Variants in ZNF592 observed in about 807,000 individuals in gnomAD.
ZNF592 encodes the protein zinc finger protein 592.
In ZNF592, 11 loss-of-function variants were observed where a neutral mutation model predicts 80.3. The observed-to-expected ratio is 0.14, with a 90% confidence interval of 0.09 to 0.23. ZNF592 has a LOEUF of 0.23. Among genes scored for constraint, ZNF592 ranks in the 10% least tolerant of loss-of-function variants. The pLI is 1.00. For missense variants in ZNF592, 1,420 were observed against 1,633.9 expected (o/e 0.87, Z 2.26); for synonymous variants, 646 against 640.3 (o/e 1.01, Z -0.13).
chr15:84,752,013 C>G (rs1023367889), intron 1 of ZNF592, among the ~76,000 whole-genome samples: 1 of 152,154 alleles, frequency 6.6e-6, no homozygotes, highest in African/African-American at 2.4e-5. Context: ...CCTCCCACCT[C>G]CACCTCCCAA....
intron 1 of ZNF592, among the ~76,000 whole-genome samples, chr15:84,755,498 C>T (rs1043230816): frequency 6.6e-6 from 1 of 151,762 alleles, no homozygotes; most frequent in African/African-American, 2.4e-5. Flanking sequence ...AATCCACAGG[C>T]TCATCCAGAG....
chr15:84,792,962 A>G (rs1046294908), intron 5 of ZNF592, among the ~76,000 whole-genome samples: 2 of 152,210 alleles, frequency 1.3e-5, no homozygotes, highest in African/African-American at 4.8e-5. Flanking sequence ...AACACTTAAA[A>G]ATACCTTTCT....
intron 1 of ZNF592, among the ~76,000 whole-genome samples, chr15:84,760,745 C>G (rs1045229376): frequency 3.3e-5 from 5 of 152,140 alleles, no homozygotes; most frequent in Admixed American, 3.3e-4. Context: ...AGAGGATGCT[C>G]TCAGTAGGAA....
In ZNF592 at chr15:84,784,544, G is replaced by T. The variant is rs767132665; in HGVS notation, c.1869G>T (p.Thr623=). ...TACTGTGCACACTGTGCTCCAAGAC[G>T]CTGCTCTTCTTCAACAAGTGCAGCC... ...IEVLCTLCSK[T]LLFFNKCSLL... Residue 623 remains threonine (T), a synonymous_variant, in exon 4 of 11, where the codon ACG becomes ACT. Transcript: ENST00000560079. This position sits in a 1 kb window ranked among gnomAD's most constrained non-coding sequence, Gnocchi z 5.8. 3 of 1,614,052 alleles carry T rather than the reference G, an allele frequency of 1.9e-6. No individual in the cohort carries two copies. Among genetic ancestry groups the T allele is most frequent in the Non-Finnish European group, 2.5e-6 (3 of 1,180,028 alleles).
chr15:84,773,265 G>C (rs1297812563), intron 2 of ZNF592, among the ~76,000 whole-genome samples: 1 of 147,842 alleles, frequency 6.8e-6, no homozygotes, highest in Non-Finnish European at 1.5e-5. Flanking sequence ...AGGCTGGAGT[G>C]CAGTGATGCG....
At chr15:84,772,864 A>G (rs1434846660) in intron 2 of ZNF592, among the ~76,000 whole-genome samples, 1 of 152,158 alleles carries the variant, frequency 6.6e-6, no homozygotes, top group African/African-American at 2.4e-5. Context: ...CTAGAGATCA[A>G]ATTTTTCTTA....
intron 2 of ZNF592, among the ~76,000 whole-genome samples, chr15:84,773,215 T>G (rs1312750706): frequency 2.7e-5 from 2 of 74,646 alleles, no homozygotes; most frequent in Non-Finnish European, 7.2e-5. Flanking sequence ...CCCACCAGGG[T>G]TTTTTTTTTT....
intron 1 of ZNF592, among the ~76,000 whole-genome samples, chr15:84,761,056 C>T (rs535917409): frequency 1.3e-5 from 2 of 152,254 alleles, no homozygotes; most frequent in East Asian, 1.9e-4. Flanking sequence ...CTCCATCTCC[C>T]GGATTCAAGC....
At chr15:84,764,020 C>T (rs1899426192) in intron 1 of ZNF592, among the ~76,000 whole-genome samples, 1 of 152,194 alleles carries the variant, frequency 6.6e-6, no homozygotes, top group Admixed American at 6.5e-5. Flanking sequence ...TTTTGACCCT[C>T]ATTCTCATCA....
In ZNF592 at chr15:84,801,913, C is replaced by A. The variant is rs1277565500; in HGVS notation, c.3324C>A (p.Thr1108=). ...PVSGVGDAPG[T]SNGATVSSTK... is the part of the protein sequence containing the mutation. ...GTGGAGTGGGGGACGCTCCAGGCACCAGCAATGGCGCAACTGTCTCTTCCA... is the reference window on the plus strand; with the variant it reads ...GTGGAGTGGGGGACGCTCCAGGCACAAGCAATGGCGCAACTGTCTCTTCCA... Residue 1108 remains threonine (T), a synonymous_variant, in exon 11 of 11, where the codon ACC becomes ACA. Coordinates refer to ENST00000560079, the MANE Select transcript of ZNF592 (RefSeq NM_014630.3). 1 of 1,613,918 alleles carries A rather than the reference C, an allele frequency of 6.2e-7. No individual in the cohort carries two copies. Among genetic ancestry groups the A allele is most frequent in the Admixed American group, 1.7e-5 (1 of 60,004 alleles).
Position 84,800,048 on chromosome 15 carries a change from G to A in ZNF592, c.3273+71G>A, listed in dbSNP as rs1963047242. On this transcript the variant is annotated intron_variant, in intron 10 of 10. Coordinates refer to ENST00000560079, the MANE Select transcript of ZNF592 (RefSeq NM_014630.3). ...CTTGGAGCTGGAAGGGCATTAGGAA[G>A]GCTACTGTTGTGGCCATGGAACAAC... 3 of 1,610,192 alleles carry A rather than the reference G, an allele frequency of 1.9e-6. No homozygotes were observed. In the African/African-American group the frequency reaches 4.0e-5, roughly 22 times the overall value.
chr15:84,801,737 G>A, intron 10 of ZNF592, 126 bp from the exon 11 acceptor site: 1 of 1,339,224 alleles, frequency 7.5e-7, no homozygotes, highest in Non-Finnish European at 1.0e-6. Context: ...ACGTAAACCA[G>A]CGTTCAGGGC....
chr15:84,799,703 C>A lies in ZNF592; in HGVS notation c.3138-139C>A. On this transcript the variant is annotated intron_variant, in intron 9 of 10. Coordinates refer to ENST00000560079, the MANE Select transcript of ZNF592 (RefSeq NM_014630.3). This position sits in a 1 kb window ranked among gnomAD's most constrained non-coding sequence, Gnocchi z 4.2. ...TCTGCTACCTTGGCTGGCCTGCTGG[C>A]TGGATCTCTCTGGGGTTCCCAGCAC... The A allele has an allele frequency of 7.6e-7, 1 of 1,324,196 alleles. No individual in the cohort carries two copies. The highest frequency in any genetic ancestry group is 1.1e-6 in the Non-Finnish European group (1 of 935,092). 82.0% of individuals were successfully genotyped at this position (1,324,196 alleles called of 1,614,324 possible). A position where few individuals can be genotyped will look rare whatever the true frequency, so the allele number is the denominator to read the frequency against.
At chr15:84,786,295 G>A (rs1962583420) in intron 4 of ZNF592, among the ~76,000 whole-genome samples, 1 of 152,214 alleles carries the variant, frequency 6.6e-6, no homozygotes, top group Non-Finnish European at 1.5e-5. Context: ...TATAAACTTA[G>A]TTGCGCAGAG....
At chr15:84,781,254 G>T (rs975380778) in intron 3 of ZNF592, among the ~76,000 whole-genome samples, 1 of 151,970 alleles carries the variant, frequency 6.6e-6, no homozygotes, top group African/African-American at 2.4e-5. Context: ...CATCATGTTG[G>T]CCAGGCTGGT....
chr15:84,769,769 T>C (rs1567063304), intron 2 of ZNF592, among the ~76,000 whole-genome samples: 1 of 152,156 alleles, frequency 6.6e-6, no homozygotes, highest in Non-Finnish European at 1.5e-5. Context: ...TTTTAAATTA[T>C]CTTATTATTT....
chr15:84,782,569 G>A (rs1962448778), intron 3 of ZNF592, 88 bp from the exon 4 acceptor site: 2 of 1,225,470 alleles, frequency 1.6e-6, no homozygotes, highest in Non-Finnish European at 2.4e-6. Context: ...TGTGCTGGCT[G>A]TGTGTGCATT....
chr15:84,791,734 A>T (rs1014008779), intron 5 of ZNF592, among the ~76,000 whole-genome samples: 1 of 152,218 alleles, frequency 6.6e-6, no homozygotes, highest in Admixed American at 6.5e-5. Flanking sequence ...AGAAATGGTC[A>T]GGAAAGCTTC....
chr15:84,790,762 C>T lies in ZNF592; in HGVS notation c.2278C>T (p.Arg760Trp), dbSNP rs897782802. The T allele has an allele frequency of 6.2e-7, 1 of 1,614,192 alleles. No individual in the cohort carries two copies. Among genetic ancestry groups the T allele is most frequent in the Non-Finnish European group, 8.5e-7 (1 of 1,180,044 alleles). ...PNQCSFCAHQ[R>W]IHAHKSPYCC... Reference sequence around the variant, plus strand: ...CCAGTGCAGTTTCTGTGCCCACCAGCGGATTCATGCACACAAGTCCCCCTA... The same window carrying T: ...CCAGTGCAGTTTCTGTGCCCACCAGTGGATTCATGCACACAAGTCCCCCTA... Residue 760 changes from arginine to tryptophan, a missense_variant, in exon 5 of 11, where the codon CGG becomes TGG. Arg to Trp is a moderately radical substitution (Grantham distance 101). Transcript: ENST00000560079.
Sources: allele counts gnomAD v4.1 joint callset (sites outside exome capture counted in the v4.1 genomes callset), GRCh38; gene constraint gnomAD v4.1.1; non-coding constraint Gnocchi (gnomAD v3.1); transcripts MANE v1.5; gene names NCBI Gene and HGNC (gene_info 2026-07-23, HGNC 2026-07-21).